Variants in KLHL1 observed in about 807,000 individuals in gnomAD.
KLHL1 encodes the protein kelch like family member 1, also known as kelch-like protein 1.
Under a neutral mutation model 77.7 loss-of-function variants are expected in KLHL1, and 47 were observed. The observed-to-expected ratio is 0.60, with a 90% confidence interval of 0.48 to 0.77. KLHL1 has a LOEUF of 0.77. Among genes scored for constraint, KLHL1 ranks in the 30% least tolerant of loss-of-function variants. The pLI is 0.00. For missense variants in KLHL1, 925 were observed against 910.8 expected (o/e 1.02, Z -0.20); for synonymous variants, 360 against 325.2 (o/e 1.11, Z -1.15).
chr13:70,071,592 C>T (rs961818317), intron 1 of KLHL1, among the ~76,000 whole-genome samples: 16 of 151,428 alleles, frequency 1.1e-4, no homozygotes, highest in Admixed American at 6.6e-4. Context: ...CTGACCTTAA[C>T]GAATCAAAAA....
chr13:70,024,125 G>A (rs146158512), intron 1 of KLHL1, among the ~76,000 whole-genome samples: 15 of 151,826 alleles, frequency 9.9e-5, no homozygotes, highest in South Asian at 2.1e-4. Context: ...ATGGTATGGC[G>A]TAGACGATTG....
chr13:69,947,170 T>C (rs995779233), intron 3 of KLHL1, among the ~76,000 whole-genome samples: 2 of 151,798 alleles, frequency 1.3e-5, no homozygotes, highest in African/African-American at 4.8e-5. Context: ...TCTATTATAC[T>C]CTCTTCCTTT....
rs137884178 is a variant in KLHL1, at chr13:69,849,018, C to T, written c.1228-9856G>A. Among the ~76,000 whole-genome samples, 80 of 151,558 alleles carry T rather than the reference C, an allele frequency of 5.3e-4. 2 individuals are homozygous for T. The highest frequency in any genetic ancestry group is 1.9e-3 in the African/African-American group (78 of 41,458). On this transcript the variant is annotated intron_variant, in intron 5 of 10. Coordinates refer to ENST00000377844, the MANE Select transcript of KLHL1 (RefSeq NM_020866.3). ...CTAAAAGTAAAATAAGTTAACCTTCCACCCTGTATGAACATCGCCTTCATC... is the reference window on the plus strand; with the variant it reads ...CTAAAAGTAAAATAAGTTAACCTTCTACCCTGTATGAACATCGCCTTCATC...
chr13:69,994,329 T>C (rs1326342550), intron 1 of KLHL1, among the ~76,000 whole-genome samples: 1 of 152,116 alleles, frequency 6.6e-6, no homozygotes, highest in Non-Finnish European at 1.5e-5. Flanking sequence ...AAACTTGAAC[T>C]CTTTCCTTAA....
intron 1 of KLHL1, among the ~76,000 whole-genome samples, chr13:70,063,877 T>C (rs139781949): frequency 6.6e-6 from 1 of 152,142 alleles, no homozygotes; most frequent in South Asian, 2.1e-4. Context: ...ATTATATTTA[T>C]AGGTGTGTTT....
At chr13:69,986,534 T>A (rs1699784372) in intron 1 of KLHL1, among the ~76,000 whole-genome samples, 1 of 152,042 alleles carries the variant, frequency 6.6e-6, no homozygotes, top group Admixed American at 6.6e-5. Context: ...ATTAAACCAT[T>A]CTTATTTCAA....
intron 1 of KLHL1, among the ~76,000 whole-genome samples, chr13:70,090,745 C>T (rs954136108): frequency 7.2e-5 from 11 of 152,022 alleles, no homozygotes; most frequent in African/African-American, 2.7e-4. Context: ...GCAAACCAAG[C>T]AGATTACTGG....
intron 1 of KLHL1, among the ~76,000 whole-genome samples, chr13:69,981,911 G>T (rs1343019431): frequency 1.3e-5 from 2 of 151,150 alleles, no homozygotes; most frequent in Admixed American, 6.6e-5. Context: ...AAAATAAAAA[G>T]ATTAAAAGAG....
chr13:69,998,944 C>T lies in KLHL1; in HGVS notation c.498-23142G>A, dbSNP rs552953316. ...GGGGATGCTTTGACTTCCCACATGA[C>T]GTCTCCAGGTCTTGTATGACACTCT... On this transcript the variant is annotated intron_variant, in intron 1 of 10. Coordinates refer to ENST00000377844, the MANE Select transcript of KLHL1 (RefSeq NM_020866.3). Among the ~76,000 whole-genome samples, 11 of 152,078 alleles carry T rather than the reference C, an allele frequency of 7.2e-5. 1 individual carries two copies. The South Asian group carries it at 1.7e-3, about 23-fold the overall frequency.
At chr13:70,054,253 TAAGA>T (rs1252632973) in intron 1 of KLHL1, among the ~76,000 whole-genome samples, 1 of 152,090 alleles carries the variant, frequency 6.6e-6, no homozygotes, top group Non-Finnish European at 1.5e-5. Flanking sequence ...GGAAAAATTA[TAAGA>T]AATATCTATC....
At chr13:69,814,600 A>T (rs1182511296) in intron 6 of KLHL1, among the ~76,000 whole-genome samples, 1 of 152,242 alleles carries the variant, frequency 6.6e-6, no homozygotes, top group Non-Finnish European at 1.5e-5. Context: ...ACATCTCAAT[A>T]GAAACATACA....
intron 1 of KLHL1, among the ~76,000 whole-genome samples, chr13:70,057,733 G>C (rs1434397987): frequency 8.2e-6 from 1 of 121,960 alleles, no homozygotes; most frequent in Non-Finnish European, 1.6e-5. Flanking sequence ...CCGAGATTGC[G>C]CCACTGCAGT....
At chr13:69,755,462 AAC>A (rs1243926282) in intron 7 of KLHL1, among the ~76,000 whole-genome samples, 1 of 152,120 alleles carries the variant, frequency 6.6e-6, no homozygotes, top group African/African-American at 2.4e-5. Flanking sequence ...AAAGTGAAAT[AAC>A]ACACAGGAAC....
chr13:70,047,680 G>A lies in KLHL1; in HGVS notation c.497+59523C>T, dbSNP rs1366241867. ...TTTCTGAACACGGTGCTTTAAACTCGCAGCTAAATACACAAACTGAATTTT... is the reference window on the plus strand; with the variant it reads ...TTTCTGAACACGGTGCTTTAAACTCACAGCTAAATACACAAACTGAATTTT... On this transcript the variant is annotated intron_variant, in intron 1 of 10. Coordinates refer to ENST00000377844, the MANE Select transcript of KLHL1 (RefSeq NM_020866.3). 1.2e-4 allele frequency among the ~76,000 whole-genome samples: 18 copies of A among 151,972 alleles called. No individual in the cohort carries two copies. The East Asian group carries it at 2.1e-3, about 18-fold the overall frequency.
chr13:69,782,177 G>C (rs1460787705), intron 7 of KLHL1, among the ~76,000 whole-genome samples: 2 of 152,134 alleles, frequency 1.3e-5, no homozygotes, highest in African/African-American at 4.8e-5. Context: ...TATAGTATTG[G>C]CTGGGGAGTC....
At chr13:69,855,353 C>T (rs78235439) in intron 5 of KLHL1, among the ~76,000 whole-genome samples, 5,982 of 104,452 alleles carry the variant, frequency 0.057, 185 homozygotes, top group African/African-American at 0.085. Context: ...GATAGACAGA[C>T]AGATAGATAC....
chr13:69,970,028 G>C (rs980133961), intron 2 of KLHL1, among the ~76,000 whole-genome samples: 3 of 152,102 alleles, frequency 2.0e-5, no homozygotes, highest in African/African-American at 7.2e-5. Flanking sequence ...AAGCTGTGCA[G>C]ACTTCTTATC....
intron 10 of KLHL1, among the ~76,000 whole-genome samples, chr13:69,703,941 T>A (rs552945835): frequency 6.6e-6 from 1 of 151,610 alleles, no homozygotes; most frequent in Non-Finnish European, 1.5e-5. Flanking sequence ...TTGTATTTCA[T>A]TTTTAAGGAA....
intron 1 of KLHL1, among the ~76,000 whole-genome samples, chr13:69,994,192 C>CA: frequency 1.3e-5 from 2 of 152,164 alleles, no homozygotes; most frequent in South Asian, 4.1e-4. Flanking sequence ...CCAAATCTAA[C>CA]AGTGATATAC....
Sources: allele counts gnomAD v4.1 joint callset (sites outside exome capture counted in the v4.1 genomes callset), GRCh38; gene constraint gnomAD v4.1.1; transcripts MANE v1.5; gene names NCBI Gene and HGNC (gene_info 2026-07-23, HGNC 2026-07-21).